PLN: variants seen among roughly 807,000 people sequenced by gnomAD.
The protein encoded by PLN is phospholamban.
Under a neutral mutation model 3.9 loss-of-function variants are expected in PLN, and 1 was observed. The observed-to-expected ratio is 0.26, with a 90% confidence interval of 0.09 to 1.23. PLN has a LOEUF of 1.23. Among genes scored for constraint, PLN ranks in the 50% most tolerant of loss-of-function variants. PLN has a pLI of 0.48. For missense variants in PLN, 59 were observed against 62.7 expected, an observed-to-expected ratio of 0.94 and a Z score of 0.20; for synonymous variants, 21 against 20.5, an observed-to-expected ratio of 1.02 and a Z score of -0.07.
intron 1 of PLN, among the ~76,000 whole-genome samples, chr6:118,550,360 T>C (rs897204451): frequency 1.3e-5 from 2 of 151,802 alleles, no homozygotes; most frequent in Admixed American, 1.3e-4. Flanking sequence ...ATTACACATG[T>C]ACACTAAATT....
intron 1 of PLN, among the ~76,000 whole-genome samples, chr6:118,557,508 G>A (rs1778947099): frequency 2.6e-5 from 4 of 152,244 alleles, no homozygotes; most frequent in African/African-American, 7.2e-5. Flanking sequence ...GTGGGACTCT[G>A]GTTTCCTCCC....
chr6:118,559,169 A>G lies in PLN; in HGVS notation c.*89A>G, dbSNP rs28763979. On this transcript the variant is annotated 3_prime_UTR_variant, in exon 2 of 2. Transcript: ENST00000357525. The stretch of plus-strand genomic sequence containing the variant: ...AGACAGGAAAACAATATTGTATAAC[A>G]GACCACTTCCTGAGTAGAAGAGTTT... 3,162 of 946,380 alleles carry G rather than the reference A, an allele frequency of 3.3e-3. 90 individuals carry two copies. The African/African-American group carries it at 0.045, about 14-fold the overall frequency. The allele number at this position is 946,380 out of a possible 1,614,324, so 58.6% of individuals were successfully genotyped here. A position where few individuals can be genotyped will look rare whatever the true frequency, so the allele number is the denominator to read the frequency against.
rs554782938 is a variant in PLN at position 118,560,831 on chromosome 6, TTTAAG to T, written c.*1754_*1758del. On this transcript the variant is annotated 3_prime_UTR_variant, in exon 2 of 2. Transcript: ENST00000357525. ...AAATATATTCACCAAACTTTGGTAA[TTTAAG>T]TTGACTAAAGTTTAAAATTAAGTCT... 6.5e-6 allele frequency: 1 copy of T among 153,398 alleles called. No homozygotes were observed. The highest frequency in any genetic ancestry group is 2.1e-4 in the South Asian group (1 of 4,828). The allele number at this position is 153,398 out of a possible 1,614,324, so 9.5% of individuals were successfully genotyped here. A position where few individuals can be genotyped will look rare whatever the true frequency, so the allele number is the denominator to read the frequency against.
chr6:118,557,944 C>T (rs1245156242), intron 1 of PLN, among the ~76,000 whole-genome samples: 1 of 150,464 alleles, frequency 6.6e-6, no homozygotes, highest in African/African-American at 2.4e-5. Context: ...TCACCAAATA[C>T]TGGGTAATTA....
chr6:118,552,972 C>A (rs1435355712), intron 1 of PLN, among the ~76,000 whole-genome samples: 1 of 151,886 alleles, frequency 6.6e-6, no homozygotes, highest in Non-Finnish European at 1.5e-5. Flanking sequence ...TAAATGAATA[C>A]CACTCTTGTG....
rs187992781 is a variant in PLN at position 118,555,202 on chromosome 6, C to T, written c.-97-3623C>T. On this transcript the variant is annotated intron_variant, in intron 1 of 1. Coordinates refer to ENST00000357525, the MANE Select transcript of PLN (RefSeq NM_002667.5). Reference sequence around the variant, plus strand: ...ATCCCAGCACTTTGGGAGGCCGAGGCGGGTGGATCACGAGGTCGGGAGATC... The same window carrying T: ...ATCCCAGCACTTTGGGAGGCCGAGGTGGGTGGATCACGAGGTCGGGAGATC... Among the ~76,000 whole-genome samples the T allele has an allele frequency of 2.3e-3, 350 of 152,172 alleles. 2 individuals are homozygous for T. The highest frequency in any genetic ancestry group is 8.2e-3 in the African/African-American group (342 of 41,534).
intron 1 of PLN, among the ~76,000 whole-genome samples, chr6:118,555,978 A>G (rs1237323246): frequency 6.6e-6 from 1 of 152,184 alleles, no homozygotes; most frequent in African/African-American, 2.4e-5. Flanking sequence ...AAAAGACATG[A>G]TATCATTCTT....
intron 1 of PLN, among the ~76,000 whole-genome samples, chr6:118,553,015 T>C (rs1778641527): frequency 6.6e-6 from 1 of 152,132 alleles, no homozygotes; most frequent in South Asian, 2.1e-4. Context: ...ATTGTCATTC[T>C]TTTAATAAAA....
At chr6:118,549,833 T>A (rs147274629) in intron 1 of PLN, among the ~76,000 whole-genome samples, 136 of 152,008 alleles carry the variant, frequency 8.9e-4, no homozygotes, top group African/African-American at 3.1e-3. Context: ...AAAGTACACA[T>A]ACTTCTGGAT....
At position 118,561,373 on chromosome 6, in the gene PLN, AT is replaced by A. The variant is rs1779212951; in HGVS notation, c.*2300del. 6.6e-6 allele frequency among the ~76,000 whole-genome samples: 1 copy of A among 152,094 alleles called. No homozygotes were observed. Among genetic ancestry groups the A allele is most frequent in the South Asian group, 2.1e-4 (1 of 4,826 alleles). On this transcript the variant is annotated 3_prime_UTR_variant, in exon 2 of 2. Coordinates refer to ENST00000357525, the MANE Select transcript of PLN (RefSeq NM_002667.5). ...TTTTCTCAGTAAACAGAAATAACTAATTTTTTTGTTCTTCATTCTTTGATAG... is the reference window on the plus strand; with the variant it reads ...TTTTCTCAGTAAACAGAAATAACTAATTTTTTGTTCTTCATTCTTTGATAG...
rs543235354 is a variant in PLN, at chr6:118,559,769, T to C, written c.*689T>C. On this transcript the variant is annotated 3_prime_UTR_variant, in exon 2 of 2. Coordinates refer to ENST00000357525, the MANE Select transcript of PLN (RefSeq NM_002667.5). ...TAATTTTTTCAAAGAATCACAGAATTCTAGTACATGTAGGTAAATCATAAA... is the reference window on the plus strand; with the variant it reads ...TAATTTTTTCAAAGAATCACAGAATCCTAGTACATGTAGGTAAATCATAAA... 1 of 168,338 alleles carries C rather than the reference T, an allele frequency of 5.9e-6. No homozygotes were observed. Among genetic ancestry groups the C allele is most frequent in the African/African-American group, 2.4e-5 (1 of 41,590 alleles). 10.4% of individuals were successfully genotyped at this position (168,338 alleles called of 1,614,324 possible). A position where few individuals can be genotyped will look rare whatever the true frequency, so the allele number is the denominator to read the frequency against.
intron 1 of PLN, among the ~76,000 whole-genome samples, chr6:118,553,857 A>G (rs1381987854): frequency 2.6e-5 from 4 of 152,218 alleles, no homozygotes; most frequent in Non-Finnish European, 5.9e-5. Flanking sequence ...TAATCAGGTA[A>G]CCATTAATTT....
At chr6:118,550,575 C>A (rs944066753) in intron 1 of PLN, among the ~76,000 whole-genome samples, 2 of 151,882 alleles carry the variant, frequency 1.3e-5, no homozygotes, top group Middle Eastern at 3.4e-3. Context: ...CCCTATTCTA[C>A]AATTTAGGAA....
chr6:118,556,028 C>T (rs538039799), intron 1 of PLN, among the ~76,000 whole-genome samples: 1 of 152,306 alleles, frequency 6.6e-6, no homozygotes, highest in African/African-American at 2.4e-5. Flanking sequence ...ATATGTACCA[C>T]ATTTTCTTTA....
chr6:118,550,266 T>TA (rs1322025663), intron 1 of PLN, among the ~76,000 whole-genome samples: 1 of 151,848 alleles, frequency 6.6e-6, no homozygotes, highest in African/African-American at 2.4e-5. Flanking sequence ...TATCTTTAAT[T>TA]AGTGAGATTA....
chr6:118,551,095 T>A (rs1256593001), intron 1 of PLN, among the ~76,000 whole-genome samples: 1 of 151,890 alleles, frequency 6.6e-6, no homozygotes, highest in South Asian at 2.1e-4. Flanking sequence ...CAAGTTAACA[T>A]CTCCTCAAAA....
chr6:118,554,841 G>A (rs1778759238), intron 1 of PLN, among the ~76,000 whole-genome samples: 1 of 152,098 alleles, frequency 6.6e-6, no homozygotes, highest in African/African-American at 2.4e-5. Flanking sequence ...AACAACATGT[G>A]CAAAGAACAA....
chr6:118,561,057 G>C lies in PLN; in HGVS notation c.*1977G>C, dbSNP rs568009700. On this transcript the variant is annotated 3_prime_UTR_variant, in exon 2 of 2. Coordinates refer to ENST00000357525, the MANE Select transcript of PLN (RefSeq NM_002667.5). Reference sequence around the variant, plus strand: ...AAGTGTTGCTAACTCAATAGTGAAGGAGACACTATTAAATTTTCTGAACCC... The same window carrying C: ...AAGTGTTGCTAACTCAATAGTGAAGCAGACACTATTAAATTTTCTGAACCC... 2.0e-5 allele frequency among the ~76,000 whole-genome samples: 3 copies of C among 152,176 alleles called. No homozygotes were observed. Among genetic ancestry groups the C allele is most frequent in the Non-Finnish European group, 4.4e-5 (3 of 68,030 alleles).
chr6:118,558,850 C>A lies in PLN; in HGVS notation c.-72C>A. On this transcript the variant is annotated 5_prime_UTR_variant, in exon 2 of 2. Coordinates refer to ENST00000357525, the MANE Select transcript of PLN (RefSeq NM_002667.5). ...GCTACCTAAAAGAAGACAGTTATCT[C>A]ATATTTGGCTGCCAGCTTTTTATCT... The A allele has an allele frequency of 9.5e-7, 1 of 1,056,806 alleles. No individual in the cohort carries two copies. The highest frequency in any genetic ancestry group is 1.5e-6 in the Non-Finnish European group (1 of 676,166). 65.5% of individuals were successfully genotyped at this position (1,056,806 alleles called of 1,614,324 possible). A position where few individuals can be genotyped will look rare whatever the true frequency, so the allele number is the denominator to read the frequency against.
Sources: allele counts gnomAD v4.1 joint callset (sites outside exome capture counted in the v4.1 genomes callset), GRCh38; gene constraint gnomAD v4.1.1; transcripts MANE v1.5; gene names NCBI Gene and HGNC (gene_info 2026-07-23, HGNC 2026-07-21).